Variants in GLCCI1 observed in about 807,000 individuals in gnomAD.
GLCCI1 encodes glucocorticoid-induced transcript 1 protein.
Under a neutral mutation model 52.2 loss-of-function variants are expected in GLCCI1, and 24 were observed. That is an observed-to-expected ratio of 0.46 (90% confidence interval 0.33 to 0.65). The LOEUF is 0.65. Ranked by LOEUF, GLCCI1 falls within the 30% of genes least tolerant of loss-of-function variation. The pLI, the probability that GLCCI1 is intolerant of heterozygous loss-of-function variation, is 0.02. For synonymous variants in GLCCI1, 310 were observed against 276.5 expected (o/e 1.12, Z -1.20); for missense variants, 704 against 701.5 (o/e 1.00, Z -0.04).
chr7:7,984,489 T>C (rs1172948697), intron 1 of GLCCI1, among the ~76,000 whole-genome samples: 1 of 152,238 alleles, frequency 6.6e-6, no homozygotes, highest in South Asian at 2.1e-4. Context: ...AAGGAGAATG[T>C]GAATTATATA....
At chr7:7,977,080 A>G (rs1780488752) in intron 1 of GLCCI1, among the ~76,000 whole-genome samples, 1 of 152,212 alleles carries the variant, frequency 6.6e-6, no homozygotes, top group South Asian at 2.1e-4. Context: ...GTAGCCATAA[A>G]GAAAACTTTT....
At chr7:7,981,281 T>C (rs112270482) in intron 1 of GLCCI1, 14,758 of 249,376 alleles carry the variant, frequency 0.059, 602 homozygotes, top group African/African-American at 0.12. Context: ...TCTTTCTTTC[T>C]TTCTCTCTCC....
At chr7:8,027,951 G>T (rs894184437) in intron 3 of GLCCI1, among the ~76,000 whole-genome samples, 9 of 152,174 alleles carry the variant, frequency 5.9e-5, no homozygotes, top group African/African-American at 1.9e-4. Context: ...GGAGCACCCA[G>T]GTGTATAAAG....
At chr7:8,040,835 TG>T (rs1289685604) in intron 3 of GLCCI1, among the ~76,000 whole-genome samples, 52 of 152,336 alleles carry the variant, frequency 3.4e-4, no homozygotes, top group African/African-American at 1.2e-3. Context: ...AATGTATGCA[TG>T]TGCTTTGCTT....
chr7:7,969,420 A>C lies in GLCCI1; in HGVS notation c.70A>C (p.Arg24=), dbSNP rs777839965. 1 of 1,359,862 alleles carries C rather than the reference A, an allele frequency of 7.4e-7. No homozygotes were observed. Among genetic ancestry groups the C allele is most frequent in the East Asian group, 3.3e-5 (1 of 30,578 alleles). The allele number at this position is 1,359,862 out of a possible 1,614,324, so 84.2% of individuals were successfully genotyped here. ...CCCTCATCCCCCGTCGCAGAGGATG[A>C]GGCGCAGCGCCGCGGGGTCCCCGCC... is the stretch of plus-strand genomic sequence containing the variant. The part of the protein sequence containing the change: ...QTPHPPSQRM[R]RSAAGSPPAV... The change falls in exon 1 of 8, where the codon AGG becomes CGG. Residue 24 remains arginine, a synonymous_variant. Transcript: ENST00000223145. The surrounding 1 kb of genome is among the most constrained non-coding windows in gnomAD (Gnocchi z 4.9).
chr7:8,044,359 T>C lies in GLCCI1; in HGVS notation c.697-11074T>C, dbSNP rs116300699. 8.4e-3 allele frequency among the ~76,000 whole-genome samples: 1,267 copies of C among 150,264 alleles called. 20 individuals are homozygous for C. Among genetic ancestry groups the C allele is most frequent in the African/African-American group, 0.029 (1,169 of 40,682 alleles). ...AATTAAACAGTATTATATCCATTCC[T>C]TTTTGTACTTTTTTTTTTTTTTTCT... is the stretch of plus-strand genomic sequence containing the variant. On this transcript the variant is annotated intron_variant, in intron 3 of 7. Transcript: ENST00000223145.
chr7:7,978,679 C>T (rs1011890411), intron 1 of GLCCI1, among the ~76,000 whole-genome samples: 4 of 152,122 alleles, frequency 2.6e-5, no homozygotes, highest in Non-Finnish European at 5.9e-5. Context: ...TAAAGTTTCT[C>T]ATAACATTTC....
intron 1 of GLCCI1, among the ~76,000 whole-genome samples, chr7:7,979,222 G>A (rs1356394418): frequency 1.3e-5 from 2 of 152,132 alleles, no homozygotes; most frequent in East Asian, 1.9e-4. Flanking sequence ...AGCTTAAAAA[G>A]TGTATTTCAA....
chr7:7,992,040 A>ATT (rs1216891912), intron 1 of GLCCI1, among the ~76,000 whole-genome samples: 1 of 135,568 alleles, frequency 7.4e-6, no homozygotes, highest in Non-Finnish European at 1.6e-5. Context: ...ATTAGAATTT[A>ATT]TTTTTTCTTT....
chr7:7,992,293 CCATAGAGATACTGAA>C (rs1562419646), intron 1 of GLCCI1, among the ~76,000 whole-genome samples: 1 of 151,804 alleles, frequency 6.6e-6, no homozygotes, highest in African/African-American at 2.4e-5. Flanking sequence ...GAAGACTTGC[CCATAGAGATACTGAA>C]CATACTGCTG....
intron 6 of GLCCI1, among the ~76,000 whole-genome samples, chr7:8,078,304 T>C (rs927658491): frequency 1.3e-5 from 2 of 151,256 alleles, no homozygotes; most frequent in Non-Finnish European, 2.9e-5. Flanking sequence ...TTTTGTCAGC[T>C]AAAGGATAGG....
Position 8,055,456 on chromosome 7 carries a change from A to G in GLCCI1, c.720A>G (p.Gln240=), listed in dbSNP as rs748038923. 5 of 1,613,378 alleles carry G rather than the reference A, an allele frequency of 3.1e-6. No homozygotes were observed. The highest frequency in any genetic ancestry group is 1.3e-5 in the African/African-American group (1 of 74,900). Residue 240 remains glutamine, a synonymous_variant, in exon 4 of 8, where the codon CAA becomes CAG. Transcript: ENST00000223145. ...LKEQIAKLRQ[Q]LQRSKQSSRH... ...AGCAGATCGCCAAACTGAGGCAGCA[A>G]CTACAACGCAGTAAACAGAGTAGTC... is the stretch of plus-strand genomic sequence containing the variant.
At chr7:8,041,095 A>G (rs930161480) in intron 3 of GLCCI1, among the ~76,000 whole-genome samples, 13 of 152,246 alleles carry the variant, frequency 8.5e-5, no homozygotes, top group African/African-American at 3.1e-4. Flanking sequence ...GCAAAGGGAA[A>G]GGTCTTGAAG....
intron 1 of GLCCI1, among the ~76,000 whole-genome samples, chr7:7,985,650 T>C (rs1261409127): frequency 6.6e-6 from 1 of 152,264 alleles, no homozygotes; most frequent in Non-Finnish European, 1.5e-5. Context: ...GAAGCATTTA[T>C]TCAATGCTGA....
chr7:8,060,756 T>G (rs1782496572), intron 5 of GLCCI1, among the ~76,000 whole-genome samples: 2 of 152,252 alleles, frequency 1.3e-5, no homozygotes, highest in African/African-American at 2.4e-5. Context: ...AGTTTTTGGC[T>G]ATTGTGAATA....
intron 1 of GLCCI1, chr7:7,981,082 C>A: frequency 4.3e-6 from 2 of 470,148 alleles, no homozygotes; most frequent in Non-Finnish European, 4.1e-6. Context: ...GGTGGGAGAC[C>A]TACCTGATGC....
chr7:8,075,792 G>A (rs1482077877), intron 6 of GLCCI1, among the ~76,000 whole-genome samples: 1 of 152,178 alleles, frequency 6.6e-6, no homozygotes, highest in Non-Finnish European at 1.5e-5. Context: ...TATTCCAAGA[G>A]TCCCTAAATT....
At chr7:7,994,709 C>T (rs879617519) in intron 1 of GLCCI1, among the ~76,000 whole-genome samples, 3 of 152,184 alleles carry the variant, frequency 2.0e-5, no homozygotes, top group Non-Finnish European at 2.9e-5. Context: ...ACCTTTCTTC[C>T]TTGCTGTCTG....
intron 2 of GLCCI1, among the ~76,000 whole-genome samples, chr7:8,019,610 G>T (rs910728359): frequency 6.6e-6 from 1 of 151,958 alleles, no homozygotes; most frequent in African/African-American, 2.4e-5. Flanking sequence ...GGCATTCATC[G>T]CTGTGCGAAC....
Sources: gnomAD v4.1 joint callset for allele counts (sites outside exome capture counted in the v4.1 genomes callset) on GRCh38, gnomAD v4.1.1 for gene constraint, Gnocchi (gnomAD v3.1) non-coding constraint, MANE v1.5 for transcripts, NCBI Gene and HGNC (gene_info 2026-07-23, HGNC 2026-07-21) for gene names.